Variants in OCIAD2 observed in about 807,000 individuals in gnomAD.
The protein encoded by OCIAD2 is OCIA domain containing 2, also known as OCIA domain-containing protein 2.
A neutral mutation model predicts 22.9 loss-of-function variants in OCIAD2; 29 were observed. The observed-to-expected ratio is 1.27, with a 90% confidence interval of 0.94 to 1.73. The LOEUF is 1.73. Ranked by LOEUF, OCIAD2 falls within the 40% of genes most tolerant of loss-of-function variation. The pLI, the probability that OCIAD2 is intolerant of heterozygous loss-of-function variation, is 0.00. For synonymous variants in OCIAD2, 67 were observed against 60.2 expected (o/e 1.11, Z -0.52); for missense variants, 189 against 180.3 (o/e 1.05, Z -0.28).
chr4:48,897,657 A>T, intron 4 of OCIAD2, 147 bp downstream of exon 4: 1 of 713,216 alleles, frequency 1.4e-6, no homozygotes, highest in Non-Finnish European at 2.5e-6. Flanking sequence ...TTCTGGGGAG[A>T]TGGGGACTTA....
intron 6 of OCIAD2, among the ~76,000 whole-genome samples, chr4:48,890,357 T>A (rs1781133775): frequency 6.6e-6 from 1 of 152,144 alleles, no homozygotes; most frequent in Non-Finnish European, 1.5e-5. Context: ...GATGGTTGTA[T>A]TTGTGGTCAG....
At chr4:48,888,159 A>C (rs1781047587) in intron 6 of OCIAD2, among the ~76,000 whole-genome samples, 1 of 152,192 alleles carries the variant, frequency 6.6e-6, no homozygotes, top group Non-Finnish European at 1.5e-5. Flanking sequence ...GTGTATAAGA[A>C]TGCTTGTGAT....
chr4:48,904,039 AT>A (rs1781474120), intron 2 of OCIAD2, among the ~76,000 whole-genome samples: 1 of 152,160 alleles, frequency 6.6e-6, no homozygotes, highest in Admixed American at 6.6e-5. Flanking sequence ...TCCCCATCCT[AT>A]TTTCCCTAAG....
intron 4 of OCIAD2, among the ~76,000 whole-genome samples, chr4:48,896,754 C>G (rs1054137163): frequency 7.6e-6 from 1 of 131,148 alleles, no homozygotes; most frequent in Non-Finnish European, 1.6e-5. Flanking sequence ...GGCAACATAG[C>G]AAGACCTCGT....
At chr4:48,887,410 C>T (rs1438387899) in intron 6 of OCIAD2, among the ~76,000 whole-genome samples, 1 of 152,196 alleles carries the variant, frequency 6.6e-6, no homozygotes, top group Non-Finnish European at 1.5e-5. Context: ...GAAGTCCTTG[C>T]CCATGCCTAT....
chr4:48,887,794 T>C (rs1050389180), intron 6 of OCIAD2, among the ~76,000 whole-genome samples: 1 of 152,196 alleles, frequency 6.6e-6, no homozygotes, highest in Non-Finnish European at 1.5e-5. Context: ...TTTGTTCTTT[T>C]GGTTTAGGAT....
intron 2 of OCIAD2, among the ~76,000 whole-genome samples, chr4:48,902,650 C>T (rs1560461722): frequency 6.6e-6 from 1 of 152,160 alleles, no homozygotes; most frequent in Non-Finnish European, 1.5e-5. Flanking sequence ...TAAACAAATG[C>T]ACACACCCTG....
chr4:48,885,201 C>T lies in OCIAD2; in HGVS notation c.*283G>A. ...ATGGGGTTTCACCATGTTGGCCAAG[C>T]TGGTCATGAACTCCTGACCTCAAAT... is the stretch of plus-strand genomic sequence containing the variant. On this transcript the variant is annotated 3_prime_UTR_variant, in exon 7 of 7. Transcript: ENST00000508632. The T allele has an allele frequency of 3.7e-6, 1 of 270,182 alleles. No individual in the cohort carries two copies. The highest frequency in any genetic ancestry group is 6.9e-6 in the Non-Finnish European group (1 of 144,518). 16.7% of individuals were successfully genotyped at this position (270,182 alleles called of 1,614,324 possible). A position where few individuals can be genotyped will look rare whatever the true frequency, so the allele number is the denominator to read the frequency against.
chr4:48,890,007 G>C (rs527508687), intron 6 of OCIAD2, among the ~76,000 whole-genome samples: 38 of 149,144 alleles, frequency 2.5e-4, no homozygotes, highest in Non-Finnish European at 4.6e-4. Context: ...ATTGCAAGGA[G>C]AAGAAACCAA....
intron 2 of OCIAD2, among the ~76,000 whole-genome samples, chr4:48,903,738 T>G (rs1781467647): frequency 6.7e-6 from 1 of 149,414 alleles, no homozygotes; most frequent in Non-Finnish European, 1.5e-5. Context: ...CTCCGCCTCC[T>G]GGGTTCATGC....
At chr4:48,901,090 GT>G (rs1171383126) in intron 2 of OCIAD2, among the ~76,000 whole-genome samples, 2 of 151,958 alleles carry the variant, frequency 1.3e-5, no homozygotes, top group Non-Finnish European at 2.9e-5. Context: ...CTTGCAAAAT[GT>G]TCATTATTTT....
Position 48,893,968 on chromosome 4 carries a change from C to T in OCIAD2, c.265+38G>A, listed in dbSNP as rs375976050. 9 of 1,398,776 alleles carry T rather than the reference C, an allele frequency of 6.4e-6. No homozygotes were observed. In the African/African-American group the frequency reaches 8.7e-5, roughly 14 times the overall value. 86.6% of individuals were successfully genotyped at this position (1,398,776 alleles called of 1,614,324 possible). A position where few individuals can be genotyped will look rare whatever the true frequency, so the allele number is the denominator to read the frequency against. ...AAGTGCTGGGATTACAGATGTGAGC[C>T]ACCACACTTGGCTTGCTTTTTTATT... On this transcript the variant is annotated intron_variant, in intron 5 of 6. Coordinates refer to ENST00000508632, the MANE Select transcript of OCIAD2 (RefSeq NM_001014446.3).
Position 48,903,677 on chromosome 4 carries a change from C to T in OCIAD2, c.66+807G>A, listed in dbSNP as rs1313036140. ...TTTTCTTTTTTTTGAGACAGAGTCT[C>T]GCTCTGTTGCCAGGCTGGAGTGCAG... On this transcript the variant is annotated intron_variant, in intron 2 of 6. Coordinates refer to ENST00000508632, the MANE Select transcript of OCIAD2 (RefSeq NM_001014446.3). 1.4e-4 allele frequency among the ~76,000 whole-genome samples: 19 copies of T among 138,734 alleles called. No individual in the cohort carries two copies. The South Asian group carries it at 1.7e-3, about 12-fold the overall frequency. 91.0% of individuals were successfully genotyped at this position (138,734 alleles called of 152,430 possible).
chr4:48,903,300 G>A (rs1781454743), intron 2 of OCIAD2, among the ~76,000 whole-genome samples: 1 of 152,154 alleles, frequency 6.6e-6, no homozygotes, highest in South Asian at 2.1e-4. Flanking sequence ...ACCCTGAACA[G>A]GAACACCTGT....
intron 1 of OCIAD2, among the ~76,000 whole-genome samples, chr4:48,906,453 G>T (rs1007602425): frequency 3.9e-5 from 6 of 152,206 alleles, no homozygotes; most frequent in African/African-American, 1.4e-4. Flanking sequence ...ACTGGAGTCC[G>T]CTGCCATCCC....
rs185509846 is a variant in OCIAD2, at chr4:48,904,539, G to T, written c.11C>A (p.Ala4Glu). 2 of 1,613,848 alleles carry T rather than the reference G, an allele frequency of 1.2e-6. No individual in the cohort carries two copies. Among genetic ancestry groups the T allele is most frequent in the African/African-American group, 2.7e-5 (2 of 74,878 alleles). Reference sequence around the variant, plus strand: ...TTTATCTTGGTTTCCACGAGCAGACGCTGAAGCCATGATGACTTTGTGCTT... The same window carrying T: ...TTTATCTTGGTTTCCACGAGCAGACTCTGAAGCCATGATGACTTTGTGCTT... MASASARGNQDKDA... is the reference protein window; with the variant it reads MASESARGNQDKDA... The change falls in exon 2 of 7, where the codon GCG becomes GAG. Residue 4 changes from alanine to glutamate, a missense_variant. By Grantham distance (107) the Ala-to-Glu change is moderately radical. Transcript: ENST00000508632.
intron 2 of OCIAD2, among the ~76,000 whole-genome samples, chr4:48,901,807 A>G (rs1351314825): frequency 6.6e-6 from 1 of 152,112 alleles, no homozygotes; most frequent in Non-Finnish European, 1.5e-5. Flanking sequence ...TAGTGGTGCC[A>G]TCATAGCTCA....
intron 2 of OCIAD2, among the ~76,000 whole-genome samples, chr4:48,901,919 C>A (rs1484697287): frequency 1.3e-5 from 2 of 151,822 alleles, no homozygotes; most frequent in Non-Finnish European, 2.9e-5. Context: ...ATTGAAAAAA[C>A]CATTTTTTTA....
chr4:48,886,139 C>T (rs1188590878), intron 6 of OCIAD2, among the ~76,000 whole-genome samples: 1 of 152,190 alleles, frequency 6.6e-6, no homozygotes, highest in Non-Finnish European at 1.5e-5. Flanking sequence ...CAGCTTTCTA[C>T]ATATGGCTAG....
Sources: gnomAD v4.1 joint callset for allele counts (sites outside exome capture counted in the v4.1 genomes callset) on GRCh38, gnomAD v4.1.1 for gene constraint, MANE v1.5 for transcripts, NCBI Gene and HGNC (gene_info 2026-07-23, HGNC 2026-07-21) for gene names.